The following PBRM1 variants were observed in gnomAD, a reference collection of about 807,000 sequenced individuals.
The protein encoded by PBRM1 is protein polybromo-1.
PBRM1 carries 27 observed loss-of-function variants against 194.5 expected under a neutral mutation model. That is an observed-to-expected ratio of 0.14 (90% confidence interval 0.10 to 0.19). The LOEUF (loss-of-function observed/expected upper bound fraction) is 0.19. Ranked by LOEUF, PBRM1 falls within the 10% of genes least tolerant of loss-of-function variation. The pLI is 1.00. For synonymous variants in PBRM1, 655 were observed against 693.2 expected (o/e 0.94, Z 0.87); for missense variants, 1,466 against 2,077.2 (o/e 0.71, Z 5.72).
At position 52,643,361 on chromosome 3, in the gene PBRM1, A is replaced by T. The variant is rs2096178732; in HGVS notation, c.900-18T>A. 6.4e-7 allele frequency: 1 copy of T among 1,566,324 alleles called. No homozygotes were observed. Among genetic ancestry groups the T allele is most frequent in the East Asian group, 2.2e-5 (1 of 44,682 alleles). ...ATGGAGTCCTATCCAGAGATAAGAT[A>T]AAAAGCTTAGAAACTTGGTAGCTGA... On this transcript the variant is annotated intron_variant, in intron 8 of 29. Transcript: ENST00000296302.
intron 2 of PBRM1, among the ~76,000 whole-genome samples, chr3:52,676,893 G>A (rs1287290482): frequency 1.3e-5 from 2 of 152,222 alleles, no homozygotes; most frequent in Non-Finnish European, 2.9e-5. Context: ...TTAGCAAAGA[G>A]ACTGGGGCAT....
At chr3:52,610,004 T>C (rs1286683426) in intron 15 of PBRM1, 49 bp from the exon 18 acceptor site, 2 of 1,165,828 alleles carry the variant, frequency 1.7e-6, no homozygotes, top group East Asian at 2.5e-5. Context: ...TGAACCTAAA[T>C]TTGTATACAG....
At chr3:52,678,255 C>T (rs1422211849) in intron 2 of PBRM1, among the ~76,000 whole-genome samples, 1 of 152,098 alleles carries the variant, frequency 6.6e-6, no homozygotes, top group African/African-American at 2.4e-5. Context: ...GTGCATGCTC[C>T]TGTGCCTGGC....
intron 22 of PBRM1, among the ~76,000 whole-genome samples, chr3:52,570,844 C>T (rs575802493): frequency 1.3e-5 from 2 of 150,534 alleles, no homozygotes; most frequent in Admixed American, 6.6e-5. Flanking sequence ...TGTGTGTGCG[C>T]ACATGTGTGC....
chr3:52,558,502 C>G (rs955426258), intron 25 of PBRM1, 89 bp from the exon 28 acceptor site: 21 of 1,135,334 alleles, frequency 1.8e-5, no homozygotes, highest in Admixed American at 2.6e-5. Flanking sequence ...AGTAAAAACA[C>G]AGGCAACAGT....
intron 27 of PBRM1, among the ~76,000 whole-genome samples, chr3:52,551,514 A>G (rs1224691493): frequency 6.6e-6 from 1 of 152,202 alleles, no homozygotes; most frequent in Non-Finnish European, 1.5e-5. Flanking sequence ...TGTCCCTGAT[A>G]ATAATTTTGT....
chr3:52,605,787 G>A (rs1398278803), intron 16 of PBRM1, among the ~76,000 whole-genome samples: 2 of 151,504 alleles, frequency 1.3e-5, no homozygotes, highest in African/African-American at 4.9e-5. Context: ...ACTTTTAGTA[G>A]AAACGAGGCT....
intron 4 of PBRM1, among the ~76,000 whole-genome samples, chr3:52,661,113 C>T (rs973186719): frequency 3.3e-5 from 5 of 152,076 alleles, no homozygotes; most frequent in African/African-American, 1.2e-4. Context: ...GCACCCTCCA[C>T]CTCCTGGGTT....
chr3:52,549,868 G>A (rs2080448354), intron 29 of PBRM1, among the ~76,000 whole-genome samples: 1 of 151,468 alleles, frequency 6.6e-6, no homozygotes, highest in Non-Finnish European at 1.5e-5. Flanking sequence ...TTGTACCACT[G>A]CACTCCAGCC....
At chr3:52,566,559 A>G (rs1397863950) in intron 22 of PBRM1, among the ~76,000 whole-genome samples, 8 of 152,234 alleles carry the variant, frequency 5.3e-5, no homozygotes, top group Admixed American at 5.2e-4. Flanking sequence ...CCAGATCCAA[A>G]GGGACAAATA....
rs566481465 is a variant in PBRM1 at position 52,612,258 on chromosome 3, CAAAAA to C, written c.1925-2308_1925-2304del. 5.0e-4 allele frequency among the ~76,000 whole-genome samples: 12 copies of C among 24,012 alleles called. No individual in the cohort carries two copies. The East Asian group carries it at 5.7e-3, about 12-fold the overall frequency. The allele number at this position is 24,012 out of a possible 152,430, so 15.8% of individuals were successfully genotyped here. A position where few individuals can be genotyped will look rare whatever the true frequency, so the allele number is the denominator to read the frequency against. ...TAGGCAACAGAGCGAGATTCCGTCT[CAAAAA>C]AAAAAAAAAAAAAAAAAAAGAGGTA... On this transcript the variant is annotated intron_variant, in intron 15 of 29. Transcript: ENST00000296302.
At chr3:52,580,158 T>C (rs1487592953) in intron 20 of PBRM1, among the ~76,000 whole-genome samples, 1 of 152,086 alleles carries the variant, frequency 6.6e-6, no homozygotes, top group East Asian at 1.9e-4. Flanking sequence ...GAAGATTGCT[T>C]GGGCCTGGCA....
chr3:52,599,945 TA>T (rs528441545), intron 17 of PBRM1, among the ~76,000 whole-genome samples: 37 of 152,292 alleles, frequency 2.4e-4, no homozygotes, highest in African/African-American at 6.7e-4. Flanking sequence ...AAAATTGTGA[TA>T]AAAAATCTAT....
chr3:52,651,826 C>G lies in PBRM1; in HGVS notation c.646-16G>C. On this transcript the variant is annotated splice_polypyrimidine_tract_variant and intron_variant, in intron 5 of 29. Coordinates refer to ENST00000296302, the Ensembl canonical transcript of PBRM1. ...CTGGATATTGCTGGAAGACAAAAAA[C>G]CAGGCATGCTCAATAAGTTAAACTA... 6.4e-7 allele frequency: 1 copy of G among 1,551,358 alleles called. No individual in the cohort carries two copies. Among genetic ancestry groups the G allele is most frequent in the Admixed American group, 1.8e-5 (1 of 56,404 alleles).
upstream of PBRM1, among the ~76,000 whole-genome samples, chr3:52,684,519 T>C (rs1025352414): frequency 2.0e-5 from 3 of 152,184 alleles, no homozygotes; most frequent in African/African-American, 4.8e-5. Context: ...CCTATAAACC[T>C]ACTTCCAAGA....
chr3:52,672,565 G>A (rs541110290), intron 2 of PBRM1, among the ~76,000 whole-genome samples: 3 of 132,326 alleles, frequency 2.3e-5, no homozygotes, highest in Admixed American at 9.2e-5. Context: ...CGTTATCTCC[G>A]CACACTGCAA....
intron 2 of PBRM1, among the ~76,000 whole-genome samples, chr3:52,676,150 A>T (rs1375104105): frequency 1.2e-4 from 5 of 41,624 alleles, no homozygotes; most frequent in African/African-American, 2.4e-4. Context: ...AAAAAAAAAA[A>T]AATAATGAAT....
At chr3:52,666,149 T>C (rs2096829504) in intron 3 of PBRM1, among the ~76,000 whole-genome samples, 1 of 152,124 alleles carries the variant, frequency 6.6e-6, no homozygotes, top group South Asian at 2.1e-4. Flanking sequence ...AGCAAGGTGG[T>C]GTGTACCTGC....
intron 13 of PBRM1, among the ~76,000 whole-genome samples, chr3:52,619,569 G>A (rs924684775): frequency 1.3e-5 from 2 of 152,116 alleles, no homozygotes; most frequent in Non-Finnish European, 2.9e-5. Flanking sequence ...AGGGCCAACT[G>A]TACTTAGAGG....
Sources: gnomAD v4.1 joint callset for allele counts (sites outside exome capture counted in the v4.1 genomes callset) on GRCh38, gnomAD v4.1.1 for gene constraint, MANE v1.5 for transcripts, NCBI Gene and HGNC (gene_info 2026-07-23, HGNC 2026-07-21) for gene names.